ZNF662: variants seen among roughly 807,000 people sequenced by gnomAD.
ZNF662 encodes the protein zinc finger protein 662.
In ZNF662, 14 loss-of-function variants were observed where a neutral mutation model predicts 12.4. The ratio of observed to expected loss-of-function variants is 1.13; its 90% CI spans 0.75 to 1.77. The LOEUF is 1.77. Among genes scored for constraint, ZNF662 ranks in the 40% most tolerant of loss-of-function variants. The probability of loss-of-function intolerance (pLI) is 0.00; values close to 1 mark genes in which losing one functional copy is unlikely to be tolerated. For missense variants in ZNF662, 550 were observed against 515.6 expected, an observed-to-expected ratio of 1.07 and a Z score of -0.65; for synonymous variants, 184 against 176.4, an observed-to-expected ratio of 1.04 and a Z score of -0.34.
chr3:42,909,954 G>T (rs867479703), intron 3 of ZNF662, among the ~76,000 whole-genome samples: 16 of 152,186 alleles, frequency 1.1e-4, no homozygotes, highest in Non-Finnish European at 2.1e-4. Context: ...ACGGGGTGGC[G>T]GCCGGGCAGA....
intron 3 of ZNF662, among the ~76,000 whole-genome samples, chr3:42,912,657 T>TATATATATTTTTTATATATATAAATAA: frequency 1.5e-5 from 1 of 67,476 alleles, no homozygotes; most frequent in Non-Finnish European, 2.8e-5. Flanking sequence ...TATATAAATA[T>TATATATATTTTTTATATATATAAATAA]ATATATATAT....
In ZNF662 at chr3:42,917,532, G is replaced by C. The variant is rs1177021163; in HGVS notation, c.*2178G>C. On this transcript the variant is annotated 3_prime_UTR_variant, in exon 5 of 5. Transcript: ENST00000440367. ...AAAGAAAACAGTGACTAAACAGAGA[G>C]AAACTAGGTCCTTGGTGACATCTTT... is the stretch of plus-strand genomic sequence containing the variant. 4 of 702,892 alleles carry C rather than the reference G, an allele frequency of 5.7e-6. No individual in the cohort carries two copies. The highest frequency in any genetic ancestry group is 1.0e-5 in the Non-Finnish European group (4 of 384,946). The allele number at this position is 702,892 out of a possible 1,614,324, so 43.5% of individuals were successfully genotyped here.
chr3:42,906,557 G>A lies in ZNF662; in HGVS notation c.-94+389G>A, dbSNP rs988934406. On this transcript the variant is annotated intron_variant, in intron 1 of 4. Coordinates refer to ENST00000440367, the MANE Select transcript of ZNF662 (RefSeq NM_207404.4). The surrounding 1 kb of genome is among the most constrained non-coding windows in gnomAD (Gnocchi z 4.4). Reference sequence around the variant, plus strand: ...GGTACAACCCAGAGTGAGGGGCCTCGAGGGACAGGCAGCACAGCGGAGTCG... The same window carrying A: ...GGTACAACCCAGAGTGAGGGGCCTCAAGGGACAGGCAGCACAGCGGAGTCG... 4.3e-5 allele frequency: 39 copies of A among 907,784 alleles called. No homozygotes were observed. In the African/African-American group the frequency reaches 6.6e-4, roughly 15 times the overall value. 56.2% of individuals were successfully genotyped at this position (907,784 alleles called of 1,614,324 possible). A position where few individuals can be genotyped will look rare whatever the true frequency, so the allele number is the denominator to read the frequency against.
chr3:42,907,322 A>G (rs892036403), intron 1 of ZNF662, among the ~76,000 whole-genome samples: 4 of 152,150 alleles, frequency 2.6e-5, no homozygotes, highest in African/African-American at 7.2e-5. Flanking sequence ...GTAAAGTCAC[A>G]ACGAGGATCT....
chr3:42,917,711 T>G lies in ZNF662; in HGVS notation c.*2357T>G. 2 of 616,008 alleles carry G rather than the reference T, an allele frequency of 3.2e-6. No individual in the cohort carries two copies. The highest frequency in any genetic ancestry group is 5.5e-5 in the East Asian group (2 of 36,338). 38.2% of individuals were successfully genotyped at this position (616,008 alleles called of 1,614,324 possible). A position where few individuals can be genotyped will look rare whatever the true frequency, so the allele number is the denominator to read the frequency against. On this transcript the variant is annotated 3_prime_UTR_variant, in exon 5 of 5. Coordinates refer to ENST00000440367, the MANE Select transcript of ZNF662 (RefSeq NM_207404.4). The stretch of plus-strand genomic sequence containing the variant: ...ACTGTTTTGTGTTTGAAATCACTGT[T>G]TTCTCATACAGCTCCTCAGTGTCAC...
rs1575417072 is a variant in ZNF662, at chr3:42,917,680, A to T, written c.*2326A>T. 1 of 639,334 alleles carries T rather than the reference A, an allele frequency of 1.6e-6. No homozygotes were observed. The highest frequency in any genetic ancestry group is 2.7e-5 in the East Asian group (1 of 36,570). The allele number at this position is 639,334 out of a possible 1,614,324, so 39.6% of individuals were successfully genotyped here. On this transcript the variant is annotated 3_prime_UTR_variant, in exon 5 of 5. Coordinates refer to ENST00000440367, the MANE Select transcript of ZNF662 (RefSeq NM_207404.4). Reference sequence around the variant, plus strand: ...TTTCTGTTATTTGCAACTTAGCCACACTAATACTGTTTTGTGTTTGAAATC... The same window carrying T: ...TTTCTGTTATTTGCAACTTAGCCACTCTAATACTGTTTTGTGTTTGAAATC...
At position 42,912,691 on chromosome 3, in the gene ZNF662, A is replaced by ATT. The variant is rs1350631884; in HGVS notation, c.152-509_152-508insTT. On this transcript the variant is annotated intron_variant, in intron 3 of 4. Coordinates refer to ENST00000440367, the MANE Select transcript of ZNF662 (RefSeq NM_207404.4). ...ATTTTTTATATATATAAATATATAT[A>ATT]TATTTTATATATATAAATATATATA... is the stretch of plus-strand genomic sequence containing the variant. 1.8e-3 allele frequency among the ~76,000 whole-genome samples: 37 copies of ATT among 20,378 alleles called. 1 individual carries two copies. The highest frequency in any genetic ancestry group is 3.6e-3 in the Non-Finnish European group (31 of 8,672). 13.4% of individuals were successfully genotyped at this position (20,378 alleles called of 152,430 possible). A position where few individuals can be genotyped will look rare whatever the true frequency, so the allele number is the denominator to read the frequency against.
chr3:42,914,266 T>C, intron 4 of ZNF662, 61 bp from the exon 5 acceptor site: 1 of 1,437,008 alleles, frequency 7.0e-7, no homozygotes, highest in Non-Finnish European at 9.4e-7. Context: ...TACCACTTGG[T>C]GACCTTAGTC....
intron 4 of ZNF662, among the ~76,000 whole-genome samples, chr3:42,913,662 G>A (rs1013961223): frequency 1.1e-4 from 16 of 152,086 alleles, no homozygotes; most frequent in Non-Finnish European, 1.9e-4. Flanking sequence ...CCTTATCCTG[G>A]AAGGACTCAC....
intron 2 of ZNF662, 113 bp downstream of exon 2, chr3:42,908,261 T>G: frequency 2.0e-6 from 3 of 1,471,230 alleles, no homozygotes; most frequent in Non-Finnish European, 2.7e-6. Context: ...AGCTTCAGGC[T>G]CTTGGATTTT....
intron 2 of ZNF662, 134 bp from the exon 3 acceptor site, chr3:42,908,659 A>G: frequency 6.8e-7 from 1 of 1,462,786 alleles, no homozygotes. Context: ...TTCCCCTGGA[A>G]TTCCTTTTCT....
Position 42,915,948 on chromosome 3 carries a change from A to G in ZNF662, c.*594A>G, listed in dbSNP as rs2088893120. 1 of 152,166 alleles carries G rather than the reference A, an allele frequency of 6.6e-6. No individual in the cohort carries two copies. Among genetic ancestry groups the G allele is most frequent in the South Asian group, 2.1e-4 (1 of 4,830 alleles). 9.4% of individuals were successfully genotyped at this position (152,166 alleles called of 1,614,324 possible). On this transcript the variant is annotated 3_prime_UTR_variant, in exon 5 of 5. Coordinates refer to ENST00000440367, the MANE Select transcript of ZNF662 (RefSeq NM_207404.4). ...CATCTTATATTTTTCTAATAGTCTC[A>G]TGTCTTTTAATCTTAACCCCAGCTA...
intron 3 of ZNF662, among the ~76,000 whole-genome samples, chr3:42,912,231 T>A (rs1275051168): frequency 7.5e-6 from 1 of 133,250 alleles, no homozygotes; most frequent in Non-Finnish European, 1.5e-5. Context: ...AAATAAAATA[T>A]ATATAAATAT....
rs149596515 is a variant in ZNF662, at chr3:42,914,407, T to G, written c.334T>G (p.Ser112Ala). Reference sequence around the variant, plus strand: ...GGAAGCACAGGACCTCATGGTCCTATCAAGTGGACCCCAGTGGTGTGGATC... The same window carrying G: ...GGAAGCACAGGACCTCATGGTCCTAGCAAGTGGACCCCAGTGGTGTGGATC... Reference protein sequence around the residue: ...IEEAQDLMVLSSGPQWCGSQE... With the variant: ...IEEAQDLMVLASGPQWCGSQE... Residue 112 changes from serine (S) to alanine (A), a missense_variant, in exon 5 of 5, where the codon TCA becomes GCA. Physicochemically the swap from Ser to Ala is moderately conservative, Grantham distance 99. Coordinates refer to ENST00000440367, the MANE Select transcript of ZNF662 (RefSeq NM_207404.4). The G allele has an allele frequency of 2.5e-3, 4,009 of 1,614,010 alleles. 9 individuals are homozygous for G. Among genetic ancestry groups the G allele is most frequent in the Non-Finnish European group, 2.9e-3 (3,413 of 1,179,994 alleles).
At position 42,914,682 on chromosome 3, in the gene ZNF662, A is replaced by C; in HGVS notation, c.609A>C (p.Gln203His). Residue 203 changes from glutamine to histidine, a missense_variant, in exon 5 of 5, where the codon CAA (glutamine) becomes CAC (histidine). Transcript: ENST00000440367. ...AGGAATGCGGCAAGTGTTTTGATCA[A>C]AATGAGGACTTTGATCAACACCAGA... Reference protein sequence around the residue: ...ICEECGKCFDQNEDFDQHQKT... With the variant: ...ICEECGKCFDHNEDFDQHQKT... 6.2e-7 allele frequency: 1 copy of C among 1,614,254 alleles called. No individual in the cohort carries two copies.
At chr3:42,912,693 ATTTTATATATATAAATATATATATATATT>A (rs2088837205) in intron 3 of ZNF662, among the ~76,000 whole-genome samples, 3 of 53,100 alleles carry the variant, frequency 5.6e-5, no homozygotes, top group African/African-American at 2.2e-4. Flanking sequence ...ATATATATAT[ATTTTATATATATAAATATATATATATATT>A]TTTTATATAT....
At chr3:42,908,697 TCCCCTCC>T in intron 2 of ZNF662, 89 bp from the exon 3 acceptor site, 2 of 1,473,660 alleles carry the variant, frequency 1.4e-6, no homozygotes, top group African/African-American at 1.4e-5. Context: ...TCCGTTTTTT[TCCCCTCC>T]TACCCCTGAA....
At chr3:42,907,949 G>A in intron 1 of ZNF662, 73 bp from the exon 2 acceptor site, 1 of 1,570,974 alleles carries the variant, frequency 6.4e-7, no homozygotes, top group Non-Finnish European at 8.7e-7. Context: ...AGTACCTTTT[G>A]ATGCCCTGTC....
chr3:42,912,696 T>TA (rs370438083), intron 3 of ZNF662, among the ~76,000 whole-genome samples: 882 of 42,222 alleles, frequency 0.021, 36 homozygotes, highest in South Asian at 0.11. Context: ...TATATATATT[T>TA]TATATATATA....
Sources: allele counts gnomAD v4.1 joint callset (sites outside exome capture counted in the v4.1 genomes callset), GRCh38; gene constraint gnomAD v4.1.1; non-coding constraint Gnocchi (gnomAD v3.1); transcripts MANE v1.5; gene names NCBI Gene and HGNC (gene_info 2026-07-23, HGNC 2026-07-21).